CRB1: variants seen among roughly 807,000 people sequenced by gnomAD.
CRB1 encodes crumbs cell polarity complex component 1.
CRB1 carries 83 observed loss-of-function variants against 120.0 expected under a neutral mutation model. That is an observed-to-expected ratio of 0.69 (90% confidence interval 0.58 to 0.83). CRB1 has a LOEUF of 0.83. CRB1 is among the 40% of genes least tolerant of loss of function. The probability of loss-of-function intolerance (pLI) is 0.00; values close to 1 mark genes in which losing one functional copy is unlikely to be tolerated. For synonymous variants in CRB1, 625 were observed against 612.5 expected (o/e 1.02, Z -0.30); for missense variants, 1,699 against 1,687.6 (o/e 1.01, Z -0.12).
chr1:197,312,979 A>T (rs6663443), intron 1 of CRB1, among the ~76,000 whole-genome samples: 25,149 of 152,190 alleles, frequency 0.17, 2,300 homozygotes, highest in Middle Eastern at 0.25. Context: ...GCTATAAAGA[A>T]CTACCTGAGA....
intron 5 of CRB1, among the ~76,000 whole-genome samples, chr1:197,413,141 GA>G (rs1409946419): frequency 6.6e-6 from 1 of 152,156 alleles, no homozygotes; most frequent in African/African-American, 2.4e-5. Flanking sequence ...CTGCCTATGT[GA>G]AACCTCTCTA....
chr1:197,453,631 CA>C (rs1210194013), intron 11 of CRB1, among the ~76,000 whole-genome samples: 8 of 142,164 alleles, frequency 5.6e-5, no homozygotes. Flanking sequence ...GGCTAGAGTC[CA>C]GGGGTGTGAT....
intron 5 of CRB1, among the ~76,000 whole-genome samples, chr1:197,387,775 A>G (rs899577365): frequency 1.3e-5 from 2 of 152,048 alleles, no homozygotes; most frequent in Non-Finnish European, 2.9e-5. Context: ...CAAAAAGAAT[A>G]CAAGTTTATT....
chr1:197,234,180 T>G, the CRB1 span, among the ~76,000 whole-genome samples: 2 of 152,234 alleles, frequency 1.3e-5, no homozygotes, highest in African/African-American at 2.4e-5. Context: ...GATAATCTTC[T>G]CTGGTTCCTG....
chr1:197,453,526 A>G (rs71631900), intron 11 of CRB1, among the ~76,000 whole-genome samples: 4,362 of 44,700 alleles, frequency 0.098, 89 homozygotes, highest in East Asian at 0.18. Flanking sequence ...GTGTGTGTGT[A>G]TATATATATA....
the CRB1 span, among the ~76,000 whole-genome samples, chr1:197,225,808 G>A: frequency 6.6e-6 from 1 of 152,208 alleles, no homozygotes; most frequent in Non-Finnish European, 1.5e-5. Flanking sequence ...ATACACAGCT[G>A]TATCTAATCC....
the CRB1 span, among the ~76,000 whole-genome samples, chr1:197,228,150 G>C: frequency 6.6e-6 from 1 of 152,106 alleles, no homozygotes; most frequent in Non-Finnish European, 1.5e-5. Flanking sequence ...ACATTCCCTG[G>C]AGACATTTTC....
At chr1:197,245,653 T>C in the CRB1 span, among the ~76,000 whole-genome samples, 1 of 152,266 alleles carries the variant, frequency 6.6e-6, no homozygotes, top group Non-Finnish European at 1.5e-5. Flanking sequence ...CTGTTATGAA[T>C]AATTTTTTAT....
In CRB1 at chr1:197,418,657, G is replaced by C. The variant is rs554719594; in HGVS notation, c.1172-2343G>C. On this transcript the variant is annotated intron_variant, in intron 5 of 11. Transcript: ENST00000367400. ...GTTTGTCTAAAAGTTTACACAAAAA[G>C]ATCACTTTGGTTTTGGATCAGATTA... Among the ~76,000 whole-genome samples, 8 of 152,266 alleles carry C rather than the reference G, an allele frequency of 5.3e-5. No homozygotes were observed. In the East Asian group the frequency reaches 1.4e-3, roughly 26 times the overall value.
intron 11 of CRB1, among the ~76,000 whole-genome samples, chr1:197,466,538 A>T (rs1176466701): frequency 6.6e-6 from 1 of 152,046 alleles, no homozygotes; most frequent in Non-Finnish European, 1.5e-5. Context: ...TGGCTTTTTG[A>T]TCATTTTTAT....
chr1:197,307,121 A>G (rs1657221161), intron 1 of CRB1, among the ~76,000 whole-genome samples: 1 of 152,196 alleles, frequency 6.6e-6, no homozygotes, highest in South Asian at 2.1e-4. Context: ...TTTTGCTTGC[A>G]TTTTACATAT....
chr1:197,393,348 T>C (rs901149992), intron 5 of CRB1, among the ~76,000 whole-genome samples: 1 of 152,054 alleles, frequency 6.6e-6, no homozygotes, highest in Non-Finnish European at 1.5e-5. Flanking sequence ...TTCTACTATA[T>C]AGTAGATGGA....
the CRB1 span, among the ~76,000 whole-genome samples, chr1:197,245,769 A>G: frequency 6.6e-6 from 1 of 152,016 alleles, no homozygotes; most frequent in African/African-American, 2.4e-5. Context: ...AAAGGGATGG[A>G]TGTTCCTTGC....
At chr1:197,432,270 TTTTTA>T (rs1482168030) in intron 8 of CRB1, among the ~76,000 whole-genome samples, 2 of 151,854 alleles carry the variant, frequency 1.3e-5, no homozygotes, top group African/African-American at 4.8e-5. Flanking sequence ...TTTTGGAGAT[TTTTTA>T]TTTTAACATT....
At chr1:197,419,254 A>G (rs997095063) in intron 5 of CRB1, among the ~76,000 whole-genome samples, 1 of 152,216 alleles carries the variant, frequency 6.6e-6, no homozygotes. Context: ...TTAAAAACAC[A>G]CATTTGGGCA....
In CRB1 at chr1:197,327,119, A is replaced by AAC. The variant is rs1558055682; in HGVS notation, c.71-1302_71-1301insCA. Among the ~76,000 whole-genome samples, 25 of 137,742 alleles carry AAC rather than the reference A, an allele frequency of 1.8e-4. 2 individuals carry two copies. Among genetic ancestry groups the AAC allele is most frequent in the East Asian group, 1.6e-3 (7 of 4,270 alleles). The allele number at this position is 137,742 out of a possible 152,430, so 90.4% of individuals were successfully genotyped here. ...AAAAAAAAAAAAAAAAAAAAAAAAA[A>AAC]AAAAAAAAAAAAACAGAAACCAAGG... is the stretch of plus-strand genomic sequence containing the variant. On this transcript the variant is annotated intron_variant, in intron 1 of 11. Coordinates refer to ENST00000367400, the MANE Select transcript of CRB1 (RefSeq NM_201253.3).
chr1:197,416,136 A>G (rs1663988730), intron 5 of CRB1, among the ~76,000 whole-genome samples: 2 of 152,188 alleles, frequency 1.3e-5, no homozygotes, highest in Non-Finnish European at 2.9e-5. Flanking sequence ...GACTTGCACT[A>G]TCATTTAGTT....
At chr1:197,222,473 A>G in the CRB1 span, 1 of 768,888 alleles carries the variant, frequency 1.3e-6, no homozygotes, top group East Asian at 2.4e-5. Context: ...AACTGGCTCT[A>G]CCACCAGGCA....
rs375040930 is a variant in CRB1, at chr1:197,427,616, G to A, written c.2291G>A (p.Arg764His). The A allele has an allele frequency of 7.4e-6, 12 of 1,613,800 alleles. No homozygotes were observed. Among genetic ancestry groups the A allele is most frequent in the African/African-American group, 4.0e-5 (3 of 74,882 alleles). ...ALENSTYQYI[R>H]VWLERGRLAM... ...GAAAACAGCACTTATCAATATATCC[G>A]TGTCTGGCTAGAGCGCGGCAGACTA... The change falls in exon 7 of 12, where the codon CGT becomes CAT. Residue 764 changes from arginine (R) to histidine (H), a missense_variant. Physicochemically the swap from Arg to His is conservative, Grantham distance 29. Coordinates refer to ENST00000367400, the MANE Select transcript of CRB1 (RefSeq NM_201253.3).
Sources: allele counts gnomAD v4.1 joint callset (sites outside exome capture counted in the v4.1 genomes callset), GRCh38; gene constraint gnomAD v4.1.1; transcripts MANE v1.5; gene names NCBI Gene and HGNC (gene_info 2026-07-23, HGNC 2026-07-21).